The following STK24 variants were observed in gnomAD, a reference collection of about 807,000 sequenced individuals.
The protein encoded by STK24 is serine/threonine-protein kinase 24.
In STK24, 21 loss-of-function variants were observed where a neutral mutation model predicts 55.6. The ratio of observed to expected loss-of-function variants is 0.38; its 90% confidence interval spans 0.27 to 0.54. STK24 has a LOEUF of 0.54. Ranked by LOEUF, STK24 falls within the 20% of genes least tolerant of loss-of-function variation. The probability of loss-of-function intolerance (pLI) is 0.79; values close to 1 mark genes in which losing one functional copy is unlikely to be tolerated. For synonymous variants in STK24, 200 were observed against 215.2 expected, an observed-to-expected ratio of 0.93 and a Z score of 0.62; for missense variants, 383 against 538.4, an observed-to-expected ratio of 0.71 and a Z score of 2.86.
intron 1 of STK24, among the ~76,000 whole-genome samples, chr13:98,573,631 G>A (rs956693650): frequency 2.6e-5 from 4 of 152,220 alleles, no homozygotes; most frequent in African/African-American, 7.2e-5. Flanking sequence ...AATAAGGGTT[G>A]CTGATTGAAT....
chr13:98,543,094 G>T (rs1406362607), intron 1 of STK24: 1 of 890,238 alleles, frequency 1.1e-6, no homozygotes, highest in East Asian at 1.2e-4. Flanking sequence ...CCGCAGCTCC[G>T]CTCCGGCTGG....
chr13:98,470,070 T>C (rs941011294), intron 5 of STK24, among the ~76,000 whole-genome samples: 9 of 152,194 alleles, frequency 5.9e-5, no homozygotes, highest in African/African-American at 2.2e-4. Flanking sequence ...TACTCAACAA[T>C]GTGTTGATAG....
chr13:98,535,656 T>A (rs929492941), intron 1 of STK24, among the ~76,000 whole-genome samples: 1 of 152,032 alleles, frequency 6.6e-6, no homozygotes, highest in African/African-American at 2.4e-5. Context: ...AACCACCCCA[T>A]GAGAAAGAGA....
At chr13:98,538,281 G>T (rs1391723100) in intron 1 of STK24, among the ~76,000 whole-genome samples, 1 of 131,388 alleles carries the variant, frequency 7.6e-6, no homozygotes, top group African/African-American at 2.8e-5. Context: ...GCTTGAGTAC[G>T]GTGGCATGAT....
In STK24 at chr13:98,491,477, G is replaced by T. The variant is rs1326408067; in HGVS notation, c.274-9156C>A. Among the ~76,000 whole-genome samples, 3 of 152,238 alleles carry T rather than the reference G, an allele frequency of 2.0e-5. No homozygotes were observed. The East Asian group carries it at 5.8e-4, about 29-fold the overall frequency. ...CATCAACATCAACTTAAACATAGGG[G>T]TGCACGATAAAACCTGAAATAACAC... On this transcript the variant is annotated intron_variant, in intron 2 of 10. Coordinates refer to ENST00000539966, the MANE Select transcript of STK24 (RefSeq NM_001032296.4).
chr13:98,552,666 C>T (rs1410816198), intron 1 of STK24, among the ~76,000 whole-genome samples: 1 of 152,036 alleles, frequency 6.6e-6, no homozygotes, highest in Non-Finnish European at 1.5e-5. Context: ...TTGAGAACCC[C>T]AAGGGCAGGC....
chr13:98,519,517 A>G, intron 1 of STK24, 44 bp from the exon 2 acceptor site: 1 of 1,454,642 alleles, frequency 6.9e-7, no homozygotes, highest in African/African-American at 1.4e-5. Flanking sequence ...AGTCCCTCAT[A>G]GCACCACAAC....
At chr13:98,474,536 A>AC (rs1894289134) in intron 5 of STK24, among the ~76,000 whole-genome samples, 1 of 149,000 alleles carries the variant, frequency 6.7e-6, no homozygotes, top group Admixed American at 6.7e-5. Flanking sequence ...AGTTCCTCCC[A>AC]CCCCCCTCCA....
intron 5 of STK24, among the ~76,000 whole-genome samples, chr13:98,474,485 G>A (rs923644818): frequency 6.6e-6 from 1 of 152,024 alleles, no homozygotes; most frequent in African/African-American, 2.4e-5. Flanking sequence ...GAGCCCCTCT[G>A]CAACCGCACA....
intron 6 of STK24, among the ~76,000 whole-genome samples, chr13:98,465,736 G>A (rs1306650162): frequency 6.6e-6 from 1 of 152,194 alleles, no homozygotes; most frequent in Non-Finnish European, 1.5e-5. Flanking sequence ...TAACTCTGCT[G>A]GAAAACTCAG....
In STK24 at chr13:98,493,225, C is replaced by T. The variant is rs558654882; in HGVS notation, c.274-10904G>A. The stretch of plus-strand genomic sequence containing the variant: ...AGACCATCTCTTTTGGAAAGGGTTG[C>T]GTGTGTGCGTGTGCTCGCGTCCAAT... On this transcript the variant is annotated intron_variant, in intron 2 of 10. Transcript: ENST00000539966. Among the ~76,000 whole-genome samples, 154 of 152,260 alleles carry T rather than the reference C, an allele frequency of 1.0e-3. 1 individual carries two copies. The South Asian group carries it at 0.014, about 14-fold the overall frequency.
intron 2 of STK24, among the ~76,000 whole-genome samples, chr13:98,495,978 A>G (rs1258251111): frequency 1.3e-5 from 2 of 152,208 alleles, no homozygotes; most frequent in African/African-American, 2.4e-5. Flanking sequence ...CTCAGAGAAA[A>G]CAGATGTGCT....
intron 1 of STK24, among the ~76,000 whole-genome samples, chr13:98,528,260 C>T (rs1472078260): frequency 2.0e-5 from 3 of 152,154 alleles, no homozygotes; most frequent in Non-Finnish European, 4.4e-5. Flanking sequence ...AAGGCGAAAA[C>T]CTAAATGAAT....
intron 3 of STK24, among the ~76,000 whole-genome samples, chr13:98,476,982 G>A (rs1283510308): frequency 6.6e-6 from 1 of 152,194 alleles, no homozygotes; most frequent in Non-Finnish European, 1.5e-5. Flanking sequence ...CTCAGAGAAG[G>A]TCAAAATGCC....
At chr13:98,565,675 T>C (rs1469149414) in intron 1 of STK24, among the ~76,000 whole-genome samples, 1 of 151,770 alleles carries the variant, frequency 6.6e-6, no homozygotes, top group Non-Finnish European at 1.5e-5. Context: ...GGGTACTTTT[T>C]CAGTTATTTC....
At chr13:98,483,820 G>A (rs545192344) in intron 2 of STK24, among the ~76,000 whole-genome samples, 2 of 152,288 alleles carry the variant, frequency 1.3e-5, no homozygotes, top group South Asian at 2.1e-4. Flanking sequence ...AGGCGCTAAC[G>A]GTAAGATGCA....
chr13:98,554,050 T>C (rs551589608), intron 1 of STK24, among the ~76,000 whole-genome samples: 1 of 138,740 alleles, frequency 7.2e-6, no homozygotes, highest in East Asian at 2.1e-4. Context: ...TGATGGGCGA[T>C]GGAGCAAGAC....
intron 3 of STK24, among the ~76,000 whole-genome samples, chr13:98,476,843 T>G (rs1308184161): frequency 6.6e-6 from 1 of 152,238 alleles, no homozygotes; most frequent in African/African-American, 2.4e-5. Flanking sequence ...CCTCACACAC[T>G]GGCCTCGCTG....
In STK24 at chr13:98,449,602, T is replaced by A. The variant is rs1055723712; in HGVS notation, c.*3571A>T. ...CAGGAACGCACCCTCTCTGTGGAGC[T>A]CTGACTGGTGTAGCTGGAAACAAAC... is the stretch of plus-strand genomic sequence containing the variant. On this transcript the variant is annotated 3_prime_UTR_variant, in exon 11 of 11. Transcript: ENST00000539966. 1.3e-5 allele frequency: 2 copies of A among 152,494 alleles called. No homozygotes were observed. Among genetic ancestry groups the A allele is most frequent in the Non-Finnish European group, 2.9e-5 (2 of 68,052 alleles). The allele number at this position is 152,494 out of a possible 1,614,324, so 9.4% of individuals were successfully genotyped here. A position where few individuals can be genotyped will look rare whatever the true frequency, so the allele number is the denominator to read the frequency against.
Sources: gnomAD v4.1 joint callset for allele counts (sites outside exome capture counted in the v4.1 genomes callset) on GRCh38, gnomAD v4.1.1 for gene constraint, MANE v1.5 for transcripts, NCBI Gene and HGNC (gene_info 2026-07-23, HGNC 2026-07-21) for gene names.